The following CEP290 variants were observed in gnomAD, a reference collection of about 807,000 sequenced individuals.
The protein encoded by CEP290 is centrosomal protein of 290 kDa.
CEP290 carries 317 observed loss-of-function variants against 344.9 expected under a neutral mutation model. The observed-to-expected ratio is 0.92, with a 90% confidence interval of 0.84 to 1.01. CEP290 has a LOEUF of 1.01. CEP290 is among the 50% of genes least tolerant of loss of function. CEP290 has a pLI of 0.00. For synonymous variants in CEP290, 932 were observed against 895.8 expected (o/e 1.04, Z -0.72); for missense variants, 2,754 against 2,761.4 (o/e 1.00, Z 0.06).
chr12:88,072,769 C>A (rs1048833433), intron 41 of CEP290, among the ~76,000 whole-genome samples: 5 of 151,946 alleles, frequency 3.3e-5, no homozygotes, highest in African/African-American at 1.2e-4. Context: ...AGGAATAGAA[C>A]AAATGAATAA....
At chr12:88,124,163 C>T (rs1434495465) in intron 13 of CEP290, among the ~76,000 whole-genome samples, 1 of 152,036 alleles carries the variant, frequency 6.6e-6, no homozygotes, top group African/African-American at 2.4e-5. Context: ...GAAACTTTCC[C>T]CGGTGTCCCT....
intron 22 of CEP290, among the ~76,000 whole-genome samples, chr12:88,109,932 T>A (rs2038559308): frequency 1.3e-5 from 2 of 152,114 alleles, no homozygotes; most frequent in African/African-American, 4.8e-5. Flanking sequence ...AGAGAAATAA[T>A]AATGTTAAAA....
chr12:88,114,774 A>G (rs1302524503), intron 19 of CEP290, among the ~76,000 whole-genome samples: 1 of 152,198 alleles, frequency 6.6e-6, no homozygotes, highest in Admixed American at 6.5e-5. Context: ...ACACACGTAT[A>G]TAAGGCATAC....
intron 18 of CEP290, 190 bp from the exon 19 acceptor site, chr12:88,115,372 C>CCCACTT (rs1565891477): frequency 1.4e-6 from 1 of 728,304 alleles, no homozygotes; most frequent in Non-Finnish European, 2.1e-6. Flanking sequence ...TGATCTTAAT[C>CCCACTT]CCACTTTCTC....
intron 32 of CEP290, among the ~76,000 whole-genome samples, chr12:88,087,413 CATA>C (rs1381936630): frequency 6.6e-6 from 1 of 151,876 alleles, no homozygotes; most frequent in Non-Finnish European, 1.5e-5. Context: ...AGAAGGATAA[CATA>C]GTCATTTGTG....
intron 39 of CEP290, among the ~76,000 whole-genome samples, 195 bp from the exon 40 acceptor site, chr12:88,078,113 G>A (rs1244755100): frequency 3.5e-5 from 5 of 143,092 alleles, no homozygotes; most frequent in Non-Finnish European, 6.1e-5. Flanking sequence ...GAAAAAAGTC[G>A]ACTTTGAGAA....
Position 88,087,914 on chromosome 12 carries a change from G to A in CEP290, c.4060C>T (p.Leu1354Phe). Reference sequence around the variant, plus strand: ...TTTAGTTTAAGTTCTTGAAGACGAAGTTCTTCTATTTTCATATGCCAGTTG... The same window carrying A: ...TTTAGTTTAAGTTCTTGAAGACGAAATTCTTCTATTTTCATATGCCAGTTG... The part of the protein sequence containing the change: ...VINWHMKIEE[L>F]RLQELKLNRE... Residue 1354 changes from leucine to phenylalanine, a missense_variant, in exon 32 of 54, where the codon CTT becomes TTT. By Grantham distance (22) the Leu-to-Phe change is conservative. Transcript: ENST00000552810. 8.3e-7 allele frequency: 1 copy of A among 1,202,348 alleles called. No homozygotes were observed. Among genetic ancestry groups the A allele is most frequent in the Non-Finnish European group, 1.1e-6 (1 of 939,040 alleles). The allele number at this position is 1,202,348 out of a possible 1,614,324, so 74.5% of individuals were successfully genotyped here.
At chr12:88,121,492 T>C (rs1331220367) in intron 13 of CEP290, among the ~76,000 whole-genome samples, 1 of 152,130 alleles carries the variant, frequency 6.6e-6, no homozygotes, top group Middle Eastern at 3.4e-3. Context: ...ACTAAAACTA[T>C]GGATTTTTAG....
At chr12:88,111,936 A>T in intron 20 of CEP290, 78 bp from the exon 21 acceptor site, 1 of 1,031,724 alleles carries the variant, frequency 9.7e-7, no homozygotes, top group Non-Finnish European at 1.3e-6. Context: ...GTCTTTAAAT[A>T]AAATGGACAT....
chr12:88,071,023 T>G (rs1363640852), intron 43 of CEP290, among the ~76,000 whole-genome samples: 1 of 152,178 alleles, frequency 6.6e-6, no homozygotes, highest in African/African-American at 2.4e-5. Context: ...ACTTGTGGCC[T>G]GAACCTAATT....
rs1046671713 is a variant in CEP290 at position 88,105,642 on chromosome 12, A to G, written c.2817+1033T>C. 2.6e-5 allele frequency among the ~76,000 whole-genome samples: 4 copies of G among 152,226 alleles called. 1 individual carries two copies. The highest frequency in any genetic ancestry group is 9.6e-5 in the African/African-American group (4 of 41,470). ...AGATGCTAAAATCATTAGGACTGAC[A>G]AATAATTTGTTATTTGTATGGTACC... On this transcript the variant is annotated intron_variant, in intron 25 of 53. Coordinates refer to ENST00000552810, the MANE Select transcript of CEP290 (RefSeq NM_025114.4).
At chr12:88,129,382 A>G (rs966973046) in intron 10 of CEP290, among the ~76,000 whole-genome samples, 2 of 152,018 alleles carry the variant, frequency 1.3e-5, no homozygotes, top group Admixed American at 6.5e-5. Context: ...TTTATAATGT[A>G]TTTATTTTAA....
At chr12:88,093,710 A>G in intron 28 of CEP290, 60 bp downstream of exon 28, 1 of 1,288,862 alleles carries the variant, frequency 7.8e-7, no homozygotes, top group Non-Finnish European at 1.1e-6. Flanking sequence ...CAATAATACA[A>G]TGTCTACCAA....
chr12:88,078,102 G>A (rs2035920712), intron 39 of CEP290, among the ~76,000 whole-genome samples, 184 bp from the exon 40 acceptor site: 1 of 149,136 alleles, frequency 6.7e-6, no homozygotes, highest in Non-Finnish European at 1.5e-5. Flanking sequence ...TCTACCTTGA[G>A]GAAAAAAGTC....
intron 44 of CEP290, among the ~76,000 whole-genome samples, chr12:88,065,073 T>C (rs2034803106): frequency 6.6e-6 from 1 of 152,134 alleles, no homozygotes; most frequent in Non-Finnish European, 1.5e-5. Flanking sequence ...TAACTGTGCT[T>C]AATTATATTT....
intron 13 of CEP290, among the ~76,000 whole-genome samples, 182 bp downstream of exon 13, chr12:88,125,064 C>A (rs1237063109): frequency 6.6e-6 from 1 of 151,594 alleles, no homozygotes; most frequent in Non-Finnish European, 1.5e-5. Flanking sequence ...GAAAATGCAT[C>A]CATCATTTAC....
chr12:88,117,505 GT>G (rs2039125913), intron 17 of CEP290, among the ~76,000 whole-genome samples: 1 of 152,080 alleles, frequency 6.6e-6, no homozygotes, highest in Non-Finnish European at 1.5e-5. Flanking sequence ...TCTTGAGAAA[GT>G]TTTGGATGTA....
chr12:88,101,480 C>CAAAA (rs762783922), intron 26 of CEP290, among the ~76,000 whole-genome samples: 2 of 44,266 alleles, frequency 4.5e-5, no homozygotes, highest in African/African-American at 9.4e-5. Flanking sequence ...GACTCTGCCT[C>CAAAA]AAAAAAAAAA....
intron 11 of CEP290, 126 bp from the exon 12 acceptor site, chr12:88,126,564 A>G (rs935510549): frequency 5.0e-6 from 3 of 602,262 alleles, no homozygotes; most frequent in Non-Finnish European, 7.7e-6. Flanking sequence ...TTGAAATGAG[A>G]AAGTATGAGC....
Sources: allele counts gnomAD v4.1 joint callset (sites outside exome capture counted in the v4.1 genomes callset), GRCh38; gene constraint gnomAD v4.1.1; transcripts MANE v1.5; gene names NCBI Gene and HGNC (gene_info 2026-07-23, HGNC 2026-07-21).